The following DCC variants were observed in gnomAD, a reference collection of about 807,000 sequenced individuals.
The protein encoded by DCC is netrin receptor DCC.
DCC carries 58 observed loss-of-function variants against 172.5 expected under a neutral mutation model. That is an observed-to-expected ratio of 0.34 (90% CI 0.27 to 0.42). DCC has a LOEUF of 0.42. DCC is among the 10% of genes least tolerant of loss of function. DCC has a pLI of 1.00. For synonymous variants in DCC, 709 were observed against 644.5 expected, an observed-to-expected ratio of 1.10 and a Z score of -1.52; for missense variants, 1,740 against 1,791.0, an observed-to-expected ratio of 0.97 and a Z score of 0.51.
chr18:52,410,487 C>T (rs1986807563), intron 1 of DCC, among the ~76,000 whole-genome samples: 4 of 152,046 alleles, frequency 2.6e-5, no homozygotes, highest in South Asian at 2.1e-4. Context: ...TGTTTTTGTT[C>T]CCCCCATATA....
intron 1 of DCC, among the ~76,000 whole-genome samples, chr18:52,489,830 C>T (rs567622710): frequency 4.9e-4 from 74 of 152,146 alleles, no homozygotes; most frequent in African/African-American, 1.7e-3. Context: ...GTCTAAGACC[C>T]GACACCACTC....
At chr18:53,196,561 C>T (rs1038766984) in intron 9 of DCC, among the ~76,000 whole-genome samples, 3 of 152,060 alleles carry the variant, frequency 2.0e-5, no homozygotes, top group African/African-American at 7.2e-5. Flanking sequence ...TTATTTTCTT[C>T]ACAGGGAGTC....
At chr18:52,956,189 T>G (rs1334066689) in intron 5 of DCC, among the ~76,000 whole-genome samples, 1 of 152,052 alleles carries the variant, frequency 6.6e-6, no homozygotes, top group Non-Finnish European at 1.5e-5. Context: ...AGTTTTATAG[T>G]TTAGCATTTT....
At chr18:53,108,180 A>AG (rs1555713256) in intron 7 of DCC, among the ~76,000 whole-genome samples, 1 of 4,080 alleles carries the variant, frequency 2.5e-4, no homozygotes, top group African/African-American at 6.3e-4. Context: ...CATACACAGA[A>AG]AAACACACAC....
intron 1 of DCC, among the ~76,000 whole-genome samples, chr18:52,554,503 C>T (rs1024568400): frequency 1.3e-5 from 2 of 152,030 alleles, no homozygotes; most frequent in South Asian, 4.1e-4. Flanking sequence ...CTGACTTTGA[C>T]TTTACAAAAG....
rs67913578 is a variant in DCC, at chr18:52,982,317, A to T, written c.985+56947A>T. Among the ~76,000 whole-genome samples the T allele has an allele frequency of 3.9e-5, 6 of 152,122 alleles. No individual in the cohort carries two copies. The East Asian group carries it at 9.6e-4, about 24-fold the overall frequency. ...TTCATTTCGAGCCATTTCCCCAGTG[A>T]CAAGTAATGAGGGCAATGCAGCAGA... is the stretch of plus-strand genomic sequence containing the variant. On this transcript the variant is annotated intron_variant, in intron 5 of 28. Transcript: ENST00000442544.
At chr18:53,029,246 A>G (rs2041996406) in intron 5 of DCC, among the ~76,000 whole-genome samples, 1 of 152,192 alleles carries the variant, frequency 6.6e-6, no homozygotes, top group Non-Finnish European at 1.5e-5. Flanking sequence ...ACAAGGAAAC[A>G]CAGATATATG....
intron 8 of DCC, among the ~76,000 whole-genome samples, chr18:53,168,168 G>A (rs2054952925): frequency 1.3e-5 from 2 of 152,074 alleles, no homozygotes. Flanking sequence ...ATTCCTCAAG[G>A]ATCTACAACC....
At chr18:52,733,632 C>T (rs1011226392) in intron 1 of DCC, among the ~76,000 whole-genome samples, 1 of 152,000 alleles carries the variant, frequency 6.6e-6, no homozygotes, top group Non-Finnish European at 1.5e-5. Flanking sequence ...GTAGTTAGGA[C>T]TAGAGCTGTG....
At chr18:53,397,474 CCTTGATAATGG>C in intron 18 of DCC, 28 bp downstream of exon 18, 1 of 1,613,080 alleles carries the variant, frequency 6.2e-7, no homozygotes, top group Non-Finnish European at 8.5e-7. Flanking sequence ...TACTTTGGAC[CCTTGATAATGG>C]TGTTTCCCAG....
intron 2 of DCC, among the ~76,000 whole-genome samples, chr18:52,823,570 C>T (rs185282059): frequency 2.2e-4 from 34 of 152,142 alleles, no homozygotes; most frequent in African/African-American, 7.9e-4. Flanking sequence ...TGCTATTTTA[C>T]TTACTAAGGT....
At position 52,827,815 on chromosome 18, in the gene DCC, T is replaced by C. The variant is rs538903893; in HGVS notation, c.412+75441T>C. Among the ~76,000 whole-genome samples, 7 of 152,316 alleles carry C rather than the reference T, an allele frequency of 4.6e-5. No individual in the cohort carries two copies. In the South Asian group the frequency reaches 1.4e-3, roughly 32 times the overall value. On this transcript the variant is annotated intron_variant, in intron 2 of 28. Transcript: ENST00000442544. ...CCTTGCTTTTCTTTGAATTTACCCC[T>C]GAGGTTTCTCAAGTGAGGGCTTCAA...
intron 3 of DCC, among the ~76,000 whole-genome samples, chr18:52,911,278 A>G (rs1037618066): frequency 6.6e-6 from 1 of 152,074 alleles, no homozygotes; most frequent in African/African-American, 2.4e-5. Flanking sequence ...ACACAATTCT[A>G]GTTCTAAATG....
At chr18:52,665,418 G>C (rs2035445494) in intron 1 of DCC, among the ~76,000 whole-genome samples, 1 of 152,168 alleles carries the variant, frequency 6.6e-6, no homozygotes, top group Non-Finnish European at 1.5e-5. Flanking sequence ...ATTACATTAA[G>C]TTTAATTACA....
chr18:52,942,156 T>C (rs2040474177), intron 5 of DCC, among the ~76,000 whole-genome samples: 1 of 152,200 alleles, frequency 6.6e-6, no homozygotes, highest in Admixed American at 6.5e-5. Context: ...TGGTTTGAGA[T>C]AGGTATTTTT....
chr18:53,096,783 G>T lies in DCC; in HGVS notation c.1261+30617G>T, dbSNP rs150116098. ...TAAGCAATTGTTTAAAAATCAGCTT[G>T]CAGTTTGTGATATGATAATTATTAT... On this transcript the variant is annotated intron_variant, in intron 7 of 28. Transcript: ENST00000442544. Among the ~76,000 whole-genome samples the T allele has an allele frequency of 5.3e-4, 81 of 152,196 alleles. 1 individual carries two copies. Among genetic ancestry groups the T allele is most frequent in the African/African-American group, 1.9e-3 (80 of 41,536 alleles).
rs1419164982 is a variant in DCC, at chr18:52,687,615, G to A, written c.92-64439G>A. On this transcript the variant is annotated intron_variant, in intron 1 of 28. Transcript: ENST00000442544. Reference sequence around the variant, plus strand: ...ACTTTTGCAAATAAATGTAGTTAACGTATATACATACAATTTAAAAATGTA... The same window carrying A: ...ACTTTTGCAAATAAATGTAGTTAACATATATACATACAATTTAAAAATGTA... Among the ~76,000 whole-genome samples the A allele has an allele frequency of 2.6e-5, 4 of 151,936 alleles. No individual in the cohort carries two copies. The South Asian group carries it at 8.3e-4, about 32-fold the overall frequency.
intron 1 of DCC, among the ~76,000 whole-genome samples, chr18:52,680,399 A>G (rs937606421): frequency 3.3e-5 from 5 of 152,086 alleles, no homozygotes; most frequent in African/African-American, 1.2e-4. Context: ...TTCCTTGTCC[A>G]TCATGCAAAG....
intron 1 of DCC, among the ~76,000 whole-genome samples, chr18:52,577,647 A>G (rs2144770483): frequency 6.6e-6 from 1 of 152,272 alleles, no homozygotes; most frequent in Admixed American, 6.5e-5. Flanking sequence ...CTCCCCACTT[A>G]GATGAAGTAA....
Sources: gnomAD v4.1 joint callset for allele counts (sites outside exome capture counted in the v4.1 genomes callset) on GRCh38, gnomAD v4.1.1 for gene constraint, MANE v1.5 for transcripts, NCBI Gene and HGNC (gene_info 2026-07-23, HGNC 2026-07-21) for gene names.